LAMA2: variants seen among roughly 807,000 people sequenced by gnomAD.
The protein encoded by LAMA2 is laminin subunit alpha 2.
Under a neutral mutation model 364.8 loss-of-function variants are expected in LAMA2, and 269 were observed. That is an observed-to-expected ratio of 0.74 (90% confidence interval 0.67 to 0.82). The LOEUF (loss-of-function observed/expected upper bound fraction) is 0.82. LAMA2 is among the 40% of genes least tolerant of loss of function. The pLI is 0.00. For missense variants in LAMA2, 3,807 were observed against 3,873.2 expected, an observed-to-expected ratio of 0.98 and a Z score of 0.45; for synonymous variants, 1,379 against 1,370.6, an observed-to-expected ratio of 1.01 and a Z score of -0.14.
chr6:129,449,660 T>C (rs1562574344), intron 45 of LAMA2, among the ~76,000 whole-genome samples: 1 of 152,200 alleles, frequency 6.6e-6, no homozygotes, highest in Non-Finnish European at 1.5e-5. Flanking sequence ...AAGAATCATA[T>C]TTGTTAGATA....
intron 62 of LAMA2, among the ~76,000 whole-genome samples, chr6:129,508,560 A>G (rs1786301347): frequency 6.6e-6 from 1 of 152,052 alleles, no homozygotes; most frequent in Non-Finnish European, 1.5e-5. Context: ...CTTTCTATCT[A>G]TCTCCATGAG....
chr6:129,111,270 A>G lies in LAMA2; in HGVS notation c.639+12855A>G, dbSNP rs377432724. On this transcript the variant is annotated intron_variant, in intron 4 of 64. Coordinates refer to ENST00000421865, the MANE Select transcript of LAMA2 (RefSeq NM_000426.4). ...ATTTTCATTGGAAAAATGTAAATGAAAAATGTTGCTCAATTCTGCTACCTG... is the reference window on the plus strand; with the variant it reads ...ATTTTCATTGGAAAAATGTAAATGAGAAATGTTGCTCAATTCTGCTACCTG... Among the ~76,000 whole-genome samples the G allele has an allele frequency of 2.6e-5, 4 of 152,210 alleles. No individual in the cohort carries two copies. In the East Asian group the frequency reaches 7.7e-4, roughly 29 times the overall value.
chr6:129,514,716 A>C, intron 64 of LAMA2, 121 bp downstream of exon 64: 1 of 834,414 alleles, frequency 1.2e-6, no homozygotes, highest in South Asian at 1.4e-5. Context: ...CTAGCTTTAG[A>C]ATCTGCTTAG....
At chr6:129,217,535 C>CTA (rs933114945) in intron 12 of LAMA2, among the ~76,000 whole-genome samples, 34 of 152,274 alleles carry the variant, frequency 2.2e-4, no homozygotes, top group African/African-American at 7.2e-4. Context: ...GATATTTCTC[C>CTA]TATAAATAGT....
intron 1 of LAMA2, among the ~76,000 whole-genome samples, chr6:128,884,625 C>CT (rs774276513): frequency 9.5e-4 from 145 of 152,236 alleles, no homozygotes; most frequent in Non-Finnish European, 1.7e-3. Flanking sequence ...CACTATATAA[C>CT]TTTTTTCCTT....
intron 3 of LAMA2, among the ~76,000 whole-genome samples, chr6:129,097,923 A>C (rs887253334): frequency 6.6e-6 from 1 of 152,228 alleles, no homozygotes; most frequent in East Asian, 1.9e-4. Flanking sequence ...AAATGTTGCC[A>C]ATGAGTTGTT....
intron 1 of LAMA2, among the ~76,000 whole-genome samples, chr6:128,966,271 A>T (rs1398380286): frequency 3.9e-5 from 6 of 152,008 alleles, no homozygotes. Context: ...CATACATTTT[A>T]AAATGTTGTG....
chr6:128,927,252 AG>A (rs1042883264), intron 1 of LAMA2, among the ~76,000 whole-genome samples: 5 of 152,214 alleles, frequency 3.3e-5, no homozygotes, highest in Non-Finnish European at 7.3e-5. Context: ...CTTAAATTGG[AG>A]AATATCTCTC....
chr6:129,441,843 G>C (rs1229154804), intron 43 of LAMA2, among the ~76,000 whole-genome samples: 1 of 151,980 alleles, frequency 6.6e-6, no homozygotes, highest in Non-Finnish European at 1.5e-5. Context: ...GCCAGGCATG[G>C]TAGTGACATT....
At chr6:129,370,322 A>T (rs1183263242) in intron 34 of LAMA2, among the ~76,000 whole-genome samples, 2 of 152,202 alleles carry the variant, frequency 1.3e-5, no homozygotes, top group African/African-American at 2.4e-5. Flanking sequence ...AGAGAAAGAA[A>T]AACAAATGAA....
At chr6:128,990,238 G>T (rs1452786456) in intron 1 of LAMA2, among the ~76,000 whole-genome samples, 1 of 152,078 alleles carries the variant, frequency 6.6e-6, no homozygotes, top group Non-Finnish European at 1.5e-5. Flanking sequence ...ATTACAGAAA[G>T]AATATTACTC....
At chr6:129,228,003 G>C (rs959479062) in intron 12 of LAMA2, among the ~76,000 whole-genome samples, 9 of 152,146 alleles carry the variant, frequency 5.9e-5, no homozygotes, top group African/African-American at 2.2e-4. Flanking sequence ...GCCACAGTTT[G>C]TTTGCCTACT....
At chr6:129,080,632 A>C (rs1773985618) in intron 3 of LAMA2, among the ~76,000 whole-genome samples, 1 of 152,204 alleles carries the variant, frequency 6.6e-6, no homozygotes. Context: ...GCCAACAGAC[A>C]CATGAAAAAA....
intron 55 of LAMA2, among the ~76,000 whole-genome samples, chr6:129,483,244 G>A (rs1784439160): frequency 6.6e-6 from 1 of 151,042 alleles, no homozygotes; most frequent in African/African-American, 2.4e-5. Flanking sequence ...ACTATAACAA[G>A]TATTCCTGAT....
chr6:129,450,175 G>A (rs1410188384), intron 45 of LAMA2, among the ~76,000 whole-genome samples: 1 of 150,278 alleles, frequency 6.7e-6, no homozygotes, highest in East Asian at 1.9e-4. Context: ...TTTTTTACCA[G>A]GCTTACCTAA....
At chr6:128,971,691 G>A (rs150866444) in intron 1 of LAMA2, among the ~76,000 whole-genome samples, 1 of 152,290 alleles carries the variant, frequency 6.6e-6, no homozygotes, top group East Asian at 1.9e-4. Context: ...AGGTAGGGGA[G>A]AAAGTGGACA....
At chr6:129,154,138 GGGCAGT>G (rs1401664827) in intron 7 of LAMA2, among the ~76,000 whole-genome samples, 5 of 152,184 alleles carry the variant, frequency 3.3e-5, no homozygotes, top group Admixed American at 3.3e-4. Context: ...TCTAGGCCGG[GGGCAGT>G]GGCTCACGCC....
intron 12 of LAMA2, among the ~76,000 whole-genome samples, chr6:129,211,293 A>G (rs948878466): frequency 1.3e-5 from 2 of 152,204 alleles, no homozygotes; most frequent in Non-Finnish European, 2.9e-5. Flanking sequence ...GTCAGAGCAA[A>G]GCAACTAGAA....
intron 63 of LAMA2, 110 bp from the exon 64 acceptor site, chr6:129,514,263 A>T (rs553412741): frequency 1.2e-6 from 1 of 853,832 alleles, no homozygotes; most frequent in South Asian, 1.4e-5. Context: ...ATCCATTTCA[A>T]ATGATTCTGG....
Sources: gnomAD v4.1 joint callset for allele counts (sites outside exome capture counted in the v4.1 genomes callset) on GRCh38, gnomAD v4.1.1 for gene constraint, MANE v1.5 for transcripts, NCBI Gene and HGNC (gene_info 2026-07-23, HGNC 2026-07-21) for gene names.